Variants in MICAL3 observed in about 807,000 individuals in gnomAD.
MICAL3 encodes microtubule associated monooxygenase, calponin and LIM domain containing 3, also known as [F-actin]-monooxygenase MICAL3.
A neutral mutation model predicts 207.4 loss-of-function variants in MICAL3; 62 were observed. The observed-to-expected ratio is 0.30, with a 90% CI of 0.24 to 0.37. MICAL3 has a LOEUF of 0.37. MICAL3 is among the 10% of genes least tolerant of loss of function. MICAL3 has a pLI of 1.00. For missense variants in MICAL3, 2,368 were observed against 2,635.6 expected (o/e 0.90, Z 2.22); for synonymous variants, 1,077 against 1,069.3 (o/e 1.01, Z -0.14).
chr22:17,888,229 T>C (rs1402858829), intron 13 of MICAL3, among the ~76,000 whole-genome samples: 1 of 152,084 alleles, frequency 6.6e-6, no homozygotes, highest in Non-Finnish European at 1.5e-5. Flanking sequence ...CACAGGAAAA[T>C]TGAGTAACTT....
chr22:17,977,453 T>C (rs1236251780), intron 1 of MICAL3, among the ~76,000 whole-genome samples: 1 of 151,654 alleles, frequency 6.6e-6, no homozygotes, highest in African/African-American at 2.4e-5. Flanking sequence ...CATGAAAGGA[T>C]GCTCAACATC....
At chr22:17,997,905 G>T (rs1374076893) in intron 1 of MICAL3, among the ~76,000 whole-genome samples, 3 of 150,536 alleles carry the variant, frequency 2.0e-5, no homozygotes, top group Non-Finnish European at 2.9e-5. Context: ...CAATGATCTG[G>T]TATCTTTAAG....
At chr22:17,926,981 G>A (rs1251774622) in intron 1 of MICAL3, among the ~76,000 whole-genome samples, 1 of 152,124 alleles carries the variant, frequency 6.6e-6, no homozygotes, top group Non-Finnish European at 1.5e-5. Flanking sequence ...GTACAATTCA[G>A]TGGTATTAAA....
intron 1 of MICAL3, among the ~76,000 whole-genome samples, chr22:17,932,547 T>G (rs1933318386): frequency 1.3e-5 from 2 of 152,180 alleles, no homozygotes; most frequent in South Asian, 4.1e-4. Flanking sequence ...AGACTATCAA[T>G]GCTATGAAGA....
chr22:17,859,374 G>C (rs1290503799), intron 19 of MICAL3, among the ~76,000 whole-genome samples: 2 of 152,228 alleles, frequency 1.3e-5, no homozygotes, highest in African/African-American at 4.8e-5. Context: ...TCGGGGCTGA[G>C]TGCTTTGCCC....
chr22:17,938,356 T>C (rs1465134064), intron 1 of MICAL3, among the ~76,000 whole-genome samples: 1 of 152,038 alleles, frequency 6.6e-6, no homozygotes, highest in East Asian at 1.9e-4. Context: ...GGGAGGGAAG[T>C]AGGTTTGAAT....
rs557640098 is a variant in MICAL3 at position 17,964,726 on chromosome 22, G to A, written c.-74-57840C>T. ...GCAACTTAAAACCAGCTGGTTTCTG[G>A]TACAAGCCAGTCCTCAGAAAGTAAC... On this transcript the variant is annotated intron_variant, in intron 1 of 31. Coordinates refer to ENST00000441493, the MANE Select transcript of MICAL3 (RefSeq NM_015241.3). 2.6e-5 allele frequency among the ~76,000 whole-genome samples: 4 copies of A among 152,278 alleles called. No individual in the cohort carries two copies. The South Asian group carries it at 8.3e-4, about 32-fold the overall frequency.
At chr22:17,833,147 T>A (rs1212507135) in intron 20 of MICAL3, among the ~76,000 whole-genome samples, 1 of 152,154 alleles carries the variant, frequency 6.6e-6, no homozygotes, top group Non-Finnish European at 1.5e-5. Flanking sequence ...TGTACCCCAC[T>A]CCTGCCCTGT....
intron 1 of MICAL3, among the ~76,000 whole-genome samples, chr22:17,939,864 G>A (rs1933726745): frequency 6.6e-6 from 1 of 152,134 alleles, no homozygotes; most frequent in African/African-American, 2.4e-5. Context: ...ATGGAAACTT[G>A]GATAACCAAT....
chr22:18,004,353 CTG>C (rs1923240662), intron 1 of MICAL3: 1 of 151,786 alleles, frequency 6.6e-6, no homozygotes, highest in Non-Finnish European at 1.5e-5. Context: ...ACTCCGCCTC[CTG>C]GGTTCAAGCG....
chr22:17,988,899 T>C (rs1208976702), intron 1 of MICAL3, among the ~76,000 whole-genome samples: 2 of 152,196 alleles, frequency 1.3e-5, no homozygotes, highest in African/African-American at 4.8e-5. Context: ...ACTTCTGTGC[T>C]CTCTGTGGCT....
chr22:18,008,805 G>A (rs5992154), intron 1 of MICAL3, among the ~76,000 whole-genome samples: 39,319 of 151,374 alleles, frequency 0.26, 6,500 homozygotes, highest in African/African-American at 0.48. Context: ...TGGGTGTGGT[G>A]GCTCCACCCG....
chr22:17,871,697 G>A, intron 17 of MICAL3, 140 bp downstream of exon 17: 1 of 697,484 alleles, frequency 1.4e-6, no homozygotes, highest in South Asian at 2.0e-5. Flanking sequence ...GGAGGGAGAG[G>A]GGCAAGAAAG....
At chr22:17,864,854 C>T (rs747065722) in intron 19 of MICAL3, 45 bp downstream of exon 19, 61 of 1,613,748 alleles carry the variant, frequency 3.8e-5, no homozygotes, top group South Asian at 1.8e-4. Flanking sequence ...TCACAGAGGC[C>T]GAGGGAGTGA....
At chr22:17,845,836 G>GGACAC (rs1242785220) in intron 19 of MICAL3, among the ~76,000 whole-genome samples, 2 of 152,130 alleles carry the variant, frequency 1.3e-5, no homozygotes, top group Non-Finnish European at 2.9e-5. Flanking sequence ...TCTAGGTGAG[G>GGACAC]GACACAGCAC....
In MICAL3 at chr22:17,931,469, G is replaced by A. The variant is rs969371291; in HGVS notation, c.-74-24583C>T. On this transcript the variant is annotated intron_variant, in intron 1 of 31. Transcript: ENST00000441493. ...TCTGGCAGACAGCTGGGAGCCCAAC[G>A]GGGTGTGGCTTCTGACCAGGACCAG... Among the ~76,000 whole-genome samples, 13 of 152,328 alleles carry A rather than the reference G, an allele frequency of 8.5e-5. 1 individual carries two copies. Among genetic ancestry groups the A allele is most frequent in the African/African-American group, 1.7e-4 (7 of 41,576 alleles).
chr22:17,865,560 C>T (rs995665625), intron 18 of MICAL3, among the ~76,000 whole-genome samples: 3 of 152,224 alleles, frequency 2.0e-5, no homozygotes. Flanking sequence ...TCCCACCCTG[C>T]CCTTCTGGAG....
At chr22:17,916,667 G>GC (rs904230232) in intron 1 of MICAL3, among the ~76,000 whole-genome samples, 4 of 151,924 alleles carry the variant, frequency 2.6e-5, no homozygotes, top group South Asian at 4.2e-4. Flanking sequence ...ACTACCGTCT[G>GC]CCCCCCCACA....
At chr22:17,892,587 G>T (rs145702459) in intron 11 of MICAL3, among the ~76,000 whole-genome samples, 3 of 152,300 alleles carry the variant, frequency 2.0e-5, no homozygotes, top group African/African-American at 4.8e-5. Context: ...GCTCAGAAAT[G>T]AGCTTTTACT....
Sources: gnomAD v4.1 joint callset for allele counts (sites outside exome capture counted in the v4.1 genomes callset) on GRCh38, gnomAD v4.1.1 for gene constraint, MANE v1.5 for transcripts, NCBI Gene and HGNC (gene_info 2026-07-23, HGNC 2026-07-21) for gene names.